The following TEP1 variants were observed in gnomAD, a reference collection of about 807,000 sequenced individuals.
TEP1 encodes the protein telomerase associated protein 1.
A neutral mutation model predicts 306.3 loss-of-function variants in TEP1; 241 were observed. The ratio of observed to expected loss-of-function variants is 0.79; its 90% confidence interval spans 0.71 to 0.88. The LOEUF (loss-of-function observed/expected upper bound fraction) is 0.88. Ranked by LOEUF, TEP1 falls within the 40% of genes least tolerant of loss-of-function variation. The pLI, the probability that TEP1 is intolerant of heterozygous loss-of-function variation, is 0.00. For missense variants in TEP1, 3,051 were observed against 3,276.1 expected (o/e 0.93, Z 1.68); for synonymous variants, 1,289 against 1,305.5 (o/e 0.99, Z 0.27).
At position 20,378,553 on chromosome 14, in the gene TEP1, G is replaced by A. The variant is rs758858880; in HGVS notation, c.5353-18C>T. ...TCCCACAGCTGAGGGAGAGAGAGGA[G>A]GAATCAGGATGCTGAAGAGAGATGC... On this transcript the variant is annotated intron_variant, in intron 37 of 54. Transcript: ENST00000262715. The A allele has an allele frequency of 1.2e-6, 2 of 1,614,102 alleles. No individual in the cohort carries two copies. The highest frequency in any genetic ancestry group is 1.3e-5 in the African/African-American group (1 of 75,062).
intron 12 of TEP1, among the ~76,000 whole-genome samples, chr14:20,393,336 T>G (rs1175760094): frequency 6.6e-6 from 1 of 152,256 alleles, no homozygotes; most frequent in African/African-American, 2.4e-5. Flanking sequence ...TAAAGTTTTT[T>G]ATACTAATTT....
Position 20,395,524 on chromosome 14 carries a change from C to T in TEP1, c.1854G>A (p.Gln618=). The change falls in exon 12 of 55, where the codon CAG becomes CAA. Residue 618 remains glutamine (Q), a synonymous_variant. Transcript: ENST00000262715. ...RRFLCHLSRQ[Q]LRMAMRIPVL... is the part of the protein sequence containing the mutation. ...CAGGTATCCTCATTGCCATCCGAAGCTGCTGACGGCTTAGGTGGCAAAGAA... is the reference window on the plus strand; with the variant it reads ...CAGGTATCCTCATTGCCATCCGAAGTTGCTGACGGCTTAGGTGGCAAAGAA... 1 of 1,613,936 alleles carries T rather than the reference C, an allele frequency of 6.2e-7. No individual in the cohort carries two copies. Among genetic ancestry groups the T allele is most frequent in the East Asian group, 2.2e-5 (1 of 44,870 alleles).
intron 25 of TEP1, 36 bp from the exon 26 acceptor site, chr14:20,383,680 G>GAA: frequency 6.2e-7 from 1 of 1,602,540 alleles, no homozygotes. Context: ...CAGTGGGAGA[G>GAA]AAAAAAAAAG....
In TEP1 at chr14:20,390,679, A is replaced by T. The variant is rs1877627578; in HGVS notation, c.2334+2T>A. The T allele has an allele frequency of 6.2e-7, 1 of 1,613,982 alleles. No individual in the cohort carries two copies. Among genetic ancestry groups the T allele is most frequent in the Non-Finnish European group, 8.5e-7 (1 of 1,179,838 alleles). ...GAGGGTTTCTCAGGGATTAATACTCACAGGAACCCTTTGGCCAGCCAGAGA... is the reference window on the plus strand; with the variant it reads ...GAGGGTTTCTCAGGGATTAATACTCTCAGGAACCCTTTGGCCAGCCAGAGA... On this transcript the variant is annotated splice_donor_variant, in intron 15 of 54. Coordinates refer to ENST00000262715, the MANE Select transcript of TEP1 (RefSeq NM_007110.5). LOFTEE classifies it high-confidence loss of function.
Position 20,373,300 on chromosome 14 carries a change from C to A in TEP1, c.6784G>T (p.Val2262Leu), listed in dbSNP as rs1287521829. Residue 2262 changes from valine to leucine, a missense_variant, in exon 47 of 55, where the codon GTA becomes TTA. Physicochemically the swap from Val to Leu is conservative, Grantham distance 32 (BLOSUM62 1). Coordinates refer to ENST00000262715, the MANE Select transcript of TEP1 (RefSeq NM_007110.5). ...TCCTTAGGAACCTGCCAGAGCCGTA[C>A]AGAACCATCCTCAGAGGCGGTCAGC... is the stretch of plus-strand genomic sequence containing the variant. ...LMLTASEDGS[V>L]RLWQVPKEAD... The A allele has an allele frequency of 4.3e-6, 7 of 1,614,072 alleles. No individual in the cohort carries two copies. Among genetic ancestry groups the A allele is most frequent in the Non-Finnish European group, 5.9e-6 (7 of 1,180,044 alleles).
At chr14:20,368,606 T>C in intron 54 of TEP1, 47 bp from the exon 55 acceptor site, 1 of 1,607,286 alleles carries the variant, frequency 6.2e-7, no homozygotes, top group Non-Finnish European at 8.5e-7. Context: ...CAAGCCTCCT[T>C]ACTAACTTAT....
chr14:20,378,938 G>C (rs1419788968), intron 36 of TEP1, 43 bp downstream of exon 36: 1 of 1,613,862 alleles, frequency 6.2e-7, no homozygotes, highest in South Asian at 1.1e-5. Context: ...TCCAAAAAAT[G>C]GGGAAGGCCC....
intron 17 of TEP1, 21 bp from the exon 18 acceptor site, chr14:20,388,084 A>C (rs368264919): frequency 3.0e-5 from 49 of 1,613,444 alleles, no homozygotes; most frequent in Non-Finnish European, 3.9e-5. Context: ...TAACAAGATA[A>C]ATGAGAGTAG....
chr14:20,401,439 C>T lies in TEP1; in HGVS notation c.1391+18G>A, dbSNP rs780886590. 1.9e-6 allele frequency: 3 copies of T among 1,612,586 alleles called. No individual in the cohort carries two copies. Among genetic ancestry groups the T allele is most frequent in the South Asian group, 2.2e-5 (2 of 90,842 alleles). ...GAATTACTTAGATGGAATGCATGCT[C>T]AGGGTGCAGCTTCTCACCTGTAACC... On this transcript the variant is annotated intron_variant, in intron 8 of 54. Coordinates refer to ENST00000262715, the MANE Select transcript of TEP1 (RefSeq NM_007110.5).
chr14:20,396,908 A>G lies in TEP1; in HGVS notation c.1550-178T>C, dbSNP rs182414575. ...AGACTGTCTCAAAAAAAAAAAGCAAATGAGGGATGATTAGAGAGAGGTCAG... is the reference window on the plus strand; with the variant it reads ...AGACTGTCTCAAAAAAAAAAAGCAAGTGAGGGATGATTAGAGAGAGGTCAG... On this transcript the variant is annotated intron_variant, in intron 9 of 54. Coordinates refer to ENST00000262715, the MANE Select transcript of TEP1 (RefSeq NM_007110.5). Among the ~76,000 whole-genome samples, 153 of 152,228 alleles carry G rather than the reference A, an allele frequency of 1.0e-3. 1 individual carries two copies. The South Asian group carries it at 0.012, about 12-fold the overall frequency.
At chr14:20,384,771 C>G in intron 21 of TEP1, 58 bp from the exon 22 acceptor site, 2 of 1,542,038 alleles carry the variant, frequency 1.3e-6, no homozygotes, top group Non-Finnish European at 1.8e-6. Context: ...AGCCTCCCTC[C>G]ACCAACCACC....
chr14:20,404,246 T>C (rs1289377677), intron 5 of TEP1, among the ~76,000 whole-genome samples: 2 of 151,370 alleles, frequency 1.3e-5, no homozygotes, highest in Non-Finnish European at 2.9e-5. Flanking sequence ...TCCCAGCTAC[T>C]TGGGAGGCTG....
At chr14:20,386,647 C>A (rs778024122) in intron 18 of TEP1, 24 bp from the exon 19 acceptor site, 2 of 1,567,732 alleles carry the variant, frequency 1.3e-6, no homozygotes, top group Non-Finnish European at 1.7e-6. Context: ...GAGAGCTGGG[C>A]TCAGTCTAGG....
chr14:20,400,592 G>A (rs11160462), intron 9 of TEP1: 44,344 of 149,448 alleles, frequency 0.3, 7,823 homozygotes, highest in Non-Finnish European at 0.4. Flanking sequence ...GTATCAATGT[G>A]GGCAAATTAC....
intron 17 of TEP1, 137 bp downstream of exon 17, chr14:20,389,101 T>C: frequency 1.3e-6 from 1 of 754,060 alleles, no homozygotes; most frequent in Non-Finnish European, 2.2e-6. Context: ...TGAGCCAAGA[T>C]TGTGCCACTG....
intron 18 of TEP1, among the ~76,000 whole-genome samples, chr14:20,386,922 A>C (rs1165794400): frequency 6.6e-6 from 1 of 151,786 alleles, no homozygotes; most frequent in Admixed American, 6.6e-5. Flanking sequence ...CCATTTTAGC[A>C]ATCAAGAAAC....
rs756045751 is a variant in TEP1 at position 20,379,951 on chromosome 14, C to T, written c.5106G>A (p.Leu1702=). 77 of 1,613,206 alleles carry T rather than the reference C, an allele frequency of 4.8e-5. No homozygotes were observed. In the South Asian group the frequency reaches 7.9e-4, roughly 17 times the overall value. The change falls in exon 35 of 55, where the codon CTG becomes CTA. Residue 1702 remains leucine (L), a synonymous_variant. Transcript: ENST00000262715. ...ATACCTGCCAAGTTCTCAGGTCCAA[C>T]AGGTAAACTGTCCCATTGGCAGTGC... ...AVGTANGTVY[L]LDLRTWQEEK...
Position 20,403,819 on chromosome 14 carries a change from C to T in TEP1, c.1098G>A (p.Thr366=), listed in dbSNP as rs1344300913. The T allele has an allele frequency of 6.8e-6, 11 of 1,613,984 alleles. No homozygotes were observed. The highest frequency in any genetic ancestry group is 3.3e-5 in the Admixed American group (2 of 59,998). ...PLPACLRTAM[T]DKFAQFDEYQ... ...ACTCGTCAAACTGGGCAAATTTGTC[C>T]GTCATGGCAGTACGGAGACAGGCGG... The change falls in exon 6 of 55, where the codon ACG becomes ACA. Residue 366 remains threonine, a synonymous_variant. Coordinates refer to ENST00000262715, the MANE Select transcript of TEP1 (RefSeq NM_007110.5).
At position 20,391,087 on chromosome 14, in the gene TEP1, T is replaced by A. The variant is rs1282182258; in HGVS notation, c.2107A>T (p.Asn703Tyr). The change falls in exon 14 of 55, where the codon AAC becomes TAC. Residue 703 changes from asparagine to tyrosine, a missense_variant. Coordinates refer to ENST00000262715, the MANE Select transcript of TEP1 (RefSeq NM_007110.5). ...PKSNPQGPPL[N>Y]YALLLIGMMI... ...ATCCCAATCAACAGCAGTGCATAGT[T>A]CAGCGGGGGCTGATTGGACAAGTGT... 1 of 1,614,040 alleles carries A rather than the reference T, an allele frequency of 6.2e-7. No homozygotes were observed. Among genetic ancestry groups the A allele is most frequent in the South Asian group, 1.1e-5 (1 of 91,078 alleles).
Sources: gnomAD v4.1 joint callset for allele counts (sites outside exome capture counted in the v4.1 genomes callset) on GRCh38, gnomAD v4.1.1 for gene constraint, MANE v1.5 for transcripts, NCBI Gene and HGNC (gene_info 2026-07-23, HGNC 2026-07-21) for gene names.